PDE9A: variants seen among roughly 807,000 people sequenced by gnomAD.
PDE9A encodes the protein high affinity cGMP-specific 3',5'-cyclic phosphodiesterase 9A.
Under a neutral mutation model 87.4 loss-of-function variants are expected in PDE9A, and 60 were observed. The observed-to-expected ratio is 0.69, with a 90% CI of 0.56 to 0.85. The LOEUF (loss-of-function observed/expected upper bound fraction) is 0.85, where lower values mean the gene tolerates loss of function less well. Ranked by LOEUF, PDE9A falls within the 40% of genes least tolerant of loss-of-function variation. The pLI is 0.00. For missense variants in PDE9A, 665 were observed against 779.0 expected (o/e 0.85, Z 1.74); for synonymous variants, 272 against 279.4 (o/e 0.97, Z 0.27).
chr21:42,663,441 A>C (rs1027608929), intron 1 of PDE9A, among the ~76,000 whole-genome samples: 16 of 152,158 alleles, frequency 1.1e-4, no homozygotes, highest in African/African-American at 3.9e-4. Flanking sequence ...GCTCGGAGGG[A>C]GGGCAGAAGG....
intron 18 of PDE9A, among the ~76,000 whole-genome samples, chr21:42,771,369 C>T (rs1248531536): frequency 1.3e-5 from 2 of 152,250 alleles, no homozygotes; most frequent in African/African-American, 4.8e-5. Flanking sequence ...TCAGGGCCCA[C>T]GCAGTCTTTC....
chr21:42,710,775 G>A (rs1245469091), intron 4 of PDE9A, among the ~76,000 whole-genome samples: 1 of 152,190 alleles, frequency 6.6e-6, no homozygotes, highest in Non-Finnish European at 1.5e-5. Context: ...ATTACCTGCG[G>A]TCAAGAGTTC....
intron 1 of PDE9A, among the ~76,000 whole-genome samples, chr21:42,669,635 CTG>C (rs2058271641): frequency 6.6e-6 from 1 of 152,216 alleles, no homozygotes; most frequent in African/African-American, 2.4e-5. Flanking sequence ...AATCAGCAGA[CTG>C]AGGCTGGAAC....
chr21:42,735,714 A>ATCCTGG (rs2052328154), intron 7 of PDE9A, among the ~76,000 whole-genome samples: 1 of 152,164 alleles, frequency 6.6e-6, no homozygotes. Flanking sequence ...TTTAGGGCCC[A>ATCCTGG]ACCTAAATCC....
chr21:42,751,023 G>A lies in PDE9A; in HGVS notation c.654-93G>A. The A allele has an allele frequency of 5.9e-6, 5 of 841,328 alleles. No homozygotes were observed. In the East Asian group the frequency reaches 9.7e-5, roughly 16 times the overall value. The allele number at this position is 841,328 out of a possible 1,614,324, so 52.1% of individuals were successfully genotyped here. On this transcript the variant is annotated intron_variant, in intron 8 of 19. Transcript: ENST00000291539. ...CAGCAAATAAGACCACACGGGGCTT[G>A]GGGGTTGGGTTTGTCGCTTGCTTTT...
intron 4 of PDE9A, among the ~76,000 whole-genome samples, chr21:42,703,019 G>T (rs2048499627): frequency 6.6e-6 from 1 of 152,184 alleles, no homozygotes; most frequent in African/African-American, 2.4e-5. Flanking sequence ...CTATTTTTTT[G>T]GGAGGAGGCG....
chr21:42,685,483 T>TTTTTTTTTTTTTTTTG, intron 1 of PDE9A, among the ~76,000 whole-genome samples: 1 of 149,968 alleles, frequency 6.7e-6, no homozygotes, highest in East Asian at 2.0e-4. Context: ...TTTTTTTTTT[T>TTTTTTTTTTTTTTTTG]GAGACGGAGT....
intron 1 of PDE9A, among the ~76,000 whole-genome samples, chr21:42,682,423 C>G (rs1432513190): frequency 2.0e-5 from 3 of 152,174 alleles, no homozygotes; most frequent in Non-Finnish European, 2.9e-5. Flanking sequence ...AGGCTGGTCC[C>G]CCTAGGTGTG....
At chr21:42,669,632 A>C (rs1453080182) in intron 1 of PDE9A, among the ~76,000 whole-genome samples, 2 of 152,318 alleles carry the variant, frequency 1.3e-5, no homozygotes, top group African/African-American at 4.8e-5. Context: ...TGGAATCAGC[A>C]GACTGAGGCT....
Position 42,759,139 on chromosome 21 carries a change from C to A in PDE9A, c.897+54C>A. On this transcript the variant is annotated intron_variant, in intron 11 of 19. Transcript: ENST00000291539. This position sits in a 1 kb window ranked among gnomAD's most constrained non-coding sequence, Gnocchi z 7.2. The stretch of plus-strand genomic sequence containing the variant: ...CCTGGGCACGTGGTTTCATCCAGTT[C>A]CACAGGAATGGAGGGAATGGATCAC... The A allele has an allele frequency of 2.3e-6, 3 of 1,310,376 alleles. No individual in the cohort carries two copies. The highest frequency in any genetic ancestry group is 2.3e-5 in the East Asian group (1 of 43,312). 81.2% of individuals were successfully genotyped at this position (1,310,376 alleles called of 1,614,324 possible).
At chr21:42,748,371 A>T (rs929250820) in intron 8 of PDE9A, among the ~76,000 whole-genome samples, 1 of 152,202 alleles carries the variant, frequency 6.6e-6, no homozygotes, top group Non-Finnish European at 1.5e-5. Flanking sequence ...CCCCTTACAC[A>T]TCAAACTGTG....
At chr21:42,710,368 C>A (rs1390296492) in intron 4 of PDE9A, among the ~76,000 whole-genome samples, 1 of 147,476 alleles carries the variant, frequency 6.8e-6, no homozygotes, top group Non-Finnish European at 1.5e-5. Context: ...GAGGTTGCGC[C>A]ACTGCACTCC....
At chr21:42,732,261 C>A (rs1447671986) in intron 6 of PDE9A, 137 bp downstream of exon 6, 2 of 764,186 alleles carry the variant, frequency 2.6e-6, no homozygotes, top group African/African-American at 1.7e-5. Context: ...GCTGCCCGCA[C>A]GGTGGAAGCC....
chr21:42,667,308 A>C (rs1456131624), intron 1 of PDE9A, among the ~76,000 whole-genome samples: 1 of 152,218 alleles, frequency 6.6e-6, no homozygotes, highest in Non-Finnish European at 1.5e-5. Context: ...GATTTTCAAA[A>C]GGGAGACATA....
intron 13 of PDE9A, among the ~76,000 whole-genome samples, chr21:42,761,879 G>C (rs2269167): frequency 0.36 from 53,933 of 150,536 alleles, 9,720 homozygotes; most frequent in South Asian, 0.55. Context: ...TGGGACTGCA[G>C]GAGCATGGGG....
chr21:42,732,338 C>T (rs923925244), intron 6 of PDE9A, among the ~76,000 whole-genome samples: 1 of 152,220 alleles, frequency 6.6e-6, no homozygotes, highest in Non-Finnish European at 1.5e-5. Flanking sequence ...AGACCAAAGA[C>T]CATGTTGAGT....
chr21:42,760,411 G>T lies in PDE9A; in HGVS notation c.981G>T (p.Met327Ile). The change falls in exon 12 of 20, where the codon ATG (methionine) becomes ATT (isoleucine). Residue 327 changes from methionine (M) to isoleucine (I), a missense_variant. Physicochemically the swap from Met to Ile is conservative, Grantham distance 10. Transcript: ENST00000291539. This position sits in a 1 kb window ranked among gnomAD's most constrained non-coding sequence, Gnocchi z 5.2. ...CFCVAQMMYS[M>I]VWLCSLQEKF... ...GCGTGGCCCAGATGATGTACAGCAT[G>T]GTCTGGCTCTGCAGTCTCCAGGTGG... 6.2e-7 allele frequency: 1 copy of T among 1,604,128 alleles called. No homozygotes were observed.
intron 8 of PDE9A, among the ~76,000 whole-genome samples, chr21:42,746,066 C>T (rs777735600): frequency 6.6e-6 from 1 of 152,190 alleles, no homozygotes; most frequent in Non-Finnish European, 1.5e-5. Flanking sequence ...CTGCATTTAC[C>T]GCCCACCTAC....
chr21:42,768,760 T>G, intron 16 of PDE9A: 1 of 985,408 alleles, frequency 1.0e-6, no homozygotes, highest in Non-Finnish European at 1.2e-6. Flanking sequence ...GGAGGCTTTC[T>G]GCAGGACGCT....
Sources: allele counts gnomAD v4.1 joint callset (sites outside exome capture counted in the v4.1 genomes callset), GRCh38; gene constraint gnomAD v4.1.1; non-coding constraint Gnocchi (gnomAD v3.1); transcripts MANE v1.5; gene names NCBI Gene and HGNC (gene_info 2026-07-23, HGNC 2026-07-21).